ZNF765: variants seen among roughly 807,000 people sequenced by gnomAD.
The protein encoded by ZNF765 is zinc finger protein 765.
A neutral mutation model predicts 44.7 loss-of-function variants in ZNF765; 37 were observed. That is an observed-to-expected ratio of 0.83 (90% CI 0.64 to 1.09). ZNF765 has a LOEUF of 1.09. Ranked by LOEUF, ZNF765 falls within the 50% of genes least tolerant of loss-of-function variation. The pLI is 0.00. For synonymous variants in ZNF765, 201 were observed against 213.7 expected (o/e 0.94, Z 0.52); for missense variants, 594 against 626.1 (o/e 0.95, Z 0.55).
At chr19:53,397,379 G>T (rs183687813) in intron 1 of ZNF765, among the ~76,000 whole-genome samples, 1 of 151,426 alleles carries the variant, frequency 6.6e-6, no homozygotes, top group Non-Finnish European at 1.5e-5. Context: ...GCGGTTAAGC[G>T]TGTAAACTTA....
chr19:53,414,484 CACA>C (rs1568786083), downstream of ZNF765, among the ~76,000 whole-genome samples: 39 of 14,482 alleles, frequency 2.7e-3, 1 homozygote, highest in Non-Finnish European at 3.0e-3. Context: ...CACACACACA[CACA>C]CACCCCCCCC....
intron 3 of ZNF765, among the ~76,000 whole-genome samples, chr19:53,422,337 A>G (rs1364329630): frequency 1.3e-5 from 2 of 152,164 alleles, no homozygotes; most frequent in Admixed American, 6.5e-5. Context: ...ATTTACACAA[A>G]TCATGTCACC....
At chr19:53,412,285 T>C (rs1465492460), downstream of ZNF765, among the ~76,000 whole-genome samples, 4 of 152,252 alleles carry the variant, frequency 2.6e-5, no homozygotes, top group African/African-American at 9.6e-5. Flanking sequence ...TAAGATGATG[T>C]GGTTTTCATC....
intron 2 of ZNF765, 139 bp downstream of exon 2, chr19:53,398,169 T>A (rs1482714708): frequency 1.4e-5 from 21 of 1,502,526 alleles, no homozygotes; most frequent in Non-Finnish European, 1.7e-5. Flanking sequence ...CTTCATTCCC[T>A]CTTATCTTGC....
chr19:53,423,291 T>C (rs1399966559), exon 4 of ZNF765: 2 of 661,916 alleles, frequency 3.0e-6, no homozygotes. Flanking sequence ...TCTGGGATAC[T>C]GTTCTGCTGC....
At chr19:53,402,614 T>C (rs547657200) in intron 3 of ZNF765, among the ~76,000 whole-genome samples, 8 of 152,030 alleles carry the variant, frequency 5.3e-5, no homozygotes, top group Non-Finnish European at 1.0e-4. Flanking sequence ...CCGGGTGGAG[T>C]ACAATGGTGT....
chr19:53,407,675 C>A, intron 3 of ZNF765, 23 bp from the exon 4 acceptor site: 4 of 1,501,224 alleles, frequency 2.7e-6, no homozygotes, highest in Non-Finnish European at 3.6e-6. Flanking sequence ...AATTTGAAAC[C>A]TTTTGGTGTG....
In ZNF765 at chr19:53,400,450, A is replaced by G. The variant is rs368721581; in HGVS notation, c.16-1615A>G. 1.2e-3 allele frequency among the ~76,000 whole-genome samples: 175 copies of G among 152,120 alleles called. 2 individuals carry two copies. The highest frequency in any genetic ancestry group is 5.8e-4 in the East Asian group (3 of 5,156). On this transcript the variant is annotated intron_variant, in intron 2 of 3. Transcript: ENST00000396408. The stretch of plus-strand genomic sequence containing the variant: ...AAGGGTGATTACTTCCTCTAGGATG[A>G]GGCATTTCCTGTTTTCTTAGATCTG...
At position 53,402,135 on chromosome 19, in the gene ZNF765, A is replaced by G. The variant is rs759104754; in HGVS notation, c.86A>G (p.Gln29Arg). 15 of 1,613,850 alleles carry G rather than the reference A, an allele frequency of 9.3e-6. No individual in the cohort carries two copies. In the East Asian group the frequency reaches 3.3e-4, roughly 36 times the overall value. The change falls in exon 3 of 4, where the codon CAG (glutamine) becomes CGG (arginine). Residue 29 changes from glutamine (Q) to arginine (R), a missense_variant. Physicochemically the swap from Gln to Arg is conservative, Grantham distance 43. Coordinates refer to ENST00000396408, the MANE Select transcript of ZNF765 (RefSeq NM_001040185.3). ...GAGTGGAAATGCCTGGACCCTGCTC[A>G]GAGGACTCTATACAGGGACGTGATG... ...QEEWKCLDPA[Q>R]RTLYRDVMLE... is the part of the protein sequence containing the mutation.
chr19:53,421,369 G>A (rs1157339161), intron 3 of ZNF765, among the ~76,000 whole-genome samples: 1 of 152,062 alleles, frequency 6.6e-6, no homozygotes, highest in Non-Finnish European at 1.5e-5. Context: ...GCTGAGTGCC[G>A]GTCCCCTGGG....
At chr19:53,406,845 G>T (rs1002919123) in intron 3 of ZNF765, among the ~76,000 whole-genome samples, 1 of 152,218 alleles carries the variant, frequency 6.6e-6, no homozygotes, top group African/African-American at 2.4e-5. Context: ...AACCCAAAAG[G>T]TGGAGGTTGC....
chr19:53,419,919 T>G (rs1039774494), intron 3 of ZNF765, among the ~76,000 whole-genome samples: 21 of 151,800 alleles, frequency 1.4e-4, no homozygotes, highest in Admixed American at 1.3e-3. Context: ...GTTGAGAGGA[T>G]GAAGCAGGGA....
At chr19:53,419,113 T>G (rs373294689) in intron 3 of ZNF765, among the ~76,000 whole-genome samples, 14 of 152,116 alleles carry the variant, frequency 9.2e-5, no homozygotes, top group African/African-American at 3.4e-4. Flanking sequence ...GTTTAATCCT[T>G]CAATAATAAT....
Position 53,410,040 on chromosome 19 carries a change from A to G in ZNF765, c.*913A>G, listed in dbSNP as rs1436747591. The G allele has an allele frequency of 4.1e-6, 2 of 484,362 alleles. No individual in the cohort carries two copies. Among genetic ancestry groups the G allele is most frequent in the East Asian group, 1.2e-4 (2 of 16,578 alleles). The allele number at this position is 484,362 out of a possible 1,614,324, so 30.0% of individuals were successfully genotyped here. On this transcript the variant is annotated 3_prime_UTR_variant, in exon 4 of 4. Coordinates refer to ENST00000396408, the MANE Select transcript of ZNF765 (RefSeq NM_001040185.3). Reference sequence around the variant, plus strand: ...AGAATAAATGCAGAAAATTTTTCAGACATCCTTCATACCTTTGCAGTTCAT... The same window carrying G: ...AGAATAAATGCAGAAAATTTTTCAGGCATCCTTCATACCTTTGCAGTTCAT...
chr19:53,414,011 C>G (rs10410794), downstream of ZNF765, among the ~76,000 whole-genome samples: 2 of 148,096 alleles, frequency 1.4e-5, no homozygotes, highest in African/African-American at 5.0e-5. Flanking sequence ...GAGGCTGAGG[C>G]GGGCGGATCA....
intron 3 of ZNF765, among the ~76,000 whole-genome samples, chr19:53,403,979 C>CT (rs976183520): frequency 2.5e-4 from 38 of 152,150 alleles, no homozygotes; most frequent in Admixed American, 1.6e-3. Flanking sequence ...TTTTTTCATG[C>CT]TTTTTTCTTC....
At chr19:53,400,485 C>A (rs1600049018) in intron 2 of ZNF765, among the ~76,000 whole-genome samples, 1 of 151,446 alleles carries the variant, frequency 6.6e-6, no homozygotes, top group African/African-American at 2.4e-5. Flanking sequence ...GACAAGATTC[C>A]CCCCTGTCCC....
At chr19:53,400,308 T>A (rs2085710807) in intron 2 of ZNF765, among the ~76,000 whole-genome samples, 1 of 152,204 alleles carries the variant, frequency 6.6e-6, no homozygotes, top group South Asian at 2.1e-4. Context: ...GGAAATTGGC[T>A]GAATGACAAA....
At chr19:53,397,399 G>A (rs189580956) in intron 1 of ZNF765, among the ~76,000 whole-genome samples, 33 of 152,196 alleles carry the variant, frequency 2.2e-4, no homozygotes, top group Admixed American at 9.2e-4. Flanking sequence ...AAGTGTGCCC[G>A]GCTCAATTTT....
Sources: gnomAD v4.1 joint callset for allele counts (sites outside exome capture counted in the v4.1 genomes callset) on GRCh38, gnomAD v4.1.1 for gene constraint, MANE v1.5 for transcripts, NCBI Gene and HGNC (gene_info 2026-07-23, HGNC 2026-07-21) for gene names.